The following KCNH8 variants were observed in gnomAD, a reference collection of about 807,000 sequenced individuals.
KCNH8 encodes the protein potassium voltage-gated channel subfamily H member 8.
Under a neutral mutation model 103.6 loss-of-function variants are expected in KCNH8, and 70 were observed. The ratio of observed to expected loss-of-function variants is 0.68; its 90% CI spans 0.56 to 0.82. The LOEUF (loss-of-function observed/expected upper bound fraction) is 0.82. Ranked by LOEUF, KCNH8 falls within the 40% of genes least tolerant of loss-of-function variation. KCNH8 has a pLI of 0.00. For synonymous variants in KCNH8, 498 were observed against 489.4 expected, an observed-to-expected ratio of 1.02 and a Z score of -0.23; for missense variants, 1,217 against 1,329.9, an observed-to-expected ratio of 0.92 and a Z score of 1.32.
intron 7 of KCNH8, among the ~76,000 whole-genome samples, chr3:19,406,935 T>C (rs1405795495): frequency 2.0e-5 from 3 of 152,124 alleles, no homozygotes; most frequent in Non-Finnish European, 2.9e-5. Flanking sequence ...CTTCTCTTAT[T>C]TGTATGAGAA....
At chr3:19,379,827 T>C (rs1208443464) in intron 5 of KCNH8, among the ~76,000 whole-genome samples, 2 of 152,156 alleles carry the variant, frequency 1.3e-5, no homozygotes, top group African/African-American at 4.8e-5. Flanking sequence ...TGTTCAGTCC[T>C]GAGTAACCTA....
At chr3:19,173,504 T>G (rs1005028827) in intron 1 of KCNH8, among the ~76,000 whole-genome samples, 4 of 152,222 alleles carry the variant, frequency 2.6e-5, no homozygotes, top group Admixed American at 6.5e-5. Flanking sequence ...AATTAAAATT[T>G]TGAGGTATAT....
chr3:19,274,558 T>C (rs1265115727), intron 2 of KCNH8, among the ~76,000 whole-genome samples: 1 of 152,130 alleles, frequency 6.6e-6, no homozygotes, highest in African/African-American at 2.4e-5. Context: ...CAAGTATTAG[T>C]TCTACTGGTC....
chr3:19,186,097 A>G (rs1392243556), intron 1 of KCNH8, among the ~76,000 whole-genome samples: 1 of 151,942 alleles, frequency 6.6e-6, no homozygotes, highest in Non-Finnish European at 1.5e-5. Flanking sequence ...AAAAACAGCA[A>G]TAAGAAACAA....
chr3:19,173,414 C>G (rs1224036319), intron 1 of KCNH8, among the ~76,000 whole-genome samples: 2 of 152,090 alleles, frequency 1.3e-5, no homozygotes, highest in Non-Finnish European at 2.9e-5. Flanking sequence ...ATGTGCCATA[C>G]AATGTGCAAG....
intron 1 of KCNH8, among the ~76,000 whole-genome samples, chr3:19,203,580 T>G (rs916785504): frequency 2.6e-5 from 4 of 152,040 alleles, no homozygotes; most frequent in Non-Finnish European, 4.4e-5. Context: ...AATGCATCTT[T>G]GAGGAAGTTT....
intron 1 of KCNH8, among the ~76,000 whole-genome samples, chr3:19,195,754 T>G (rs77745480): frequency 0.044 from 6,646 of 152,042 alleles, 516 homozygotes; most frequent in African/African-American, 0.15. Flanking sequence ...CTAGAGCAAG[T>G]GACTCAAGAA....
chr3:19,526,033 T>A (rs2069058365), intron 15 of KCNH8, among the ~76,000 whole-genome samples: 1 of 151,926 alleles, frequency 6.6e-6, no homozygotes, highest in African/African-American at 2.4e-5. Flanking sequence ...TGAACATGTC[T>A]GAATCTTATG....
At chr3:19,384,500 C>CT (rs2066330170) in intron 5 of KCNH8, among the ~76,000 whole-genome samples, 1 of 152,084 alleles carries the variant, frequency 6.6e-6, no homozygotes, top group Non-Finnish European at 1.5e-5. Context: ...ACATTTGGGA[C>CT]TTTAAGTTGG....
intron 11 of KCNH8, among the ~76,000 whole-genome samples, chr3:19,500,573 C>A (rs1209128113): frequency 6.6e-6 from 1 of 152,150 alleles, no homozygotes; most frequent in Non-Finnish European, 1.5e-5. Context: ...GAAATTATAA[C>A]AAACTATCTC....
intron 11 of KCNH8, among the ~76,000 whole-genome samples, chr3:19,464,935 T>A (rs1463788534): frequency 3.9e-5 from 6 of 152,174 alleles, no homozygotes; most frequent in Admixed American, 3.3e-4. Context: ...AGTATCAAGA[T>A]AAGTAATTGA....
chr3:19,515,042 A>T (rs547033085), intron 13 of KCNH8, among the ~76,000 whole-genome samples: 3 of 151,786 alleles, frequency 2.0e-5, no homozygotes, highest in Non-Finnish European at 4.4e-5. Context: ...TATTATTTTA[A>T]ATTTGAACAA....
chr3:19,235,979 A>G (rs1005770135), intron 1 of KCNH8, among the ~76,000 whole-genome samples: 2 of 152,234 alleles, frequency 1.3e-5, no homozygotes, highest in African/African-American at 2.4e-5. Flanking sequence ...TAATTTTTAC[A>G]TAATGTCATC....
chr3:19,218,144 C>T (rs1393610635), intron 1 of KCNH8, among the ~76,000 whole-genome samples: 1 of 152,100 alleles, frequency 6.6e-6, no homozygotes, highest in African/African-American at 2.4e-5. Context: ...TGTACTGAGA[C>T]CAGGATTTTT....
intron 11 of KCNH8, among the ~76,000 whole-genome samples, chr3:19,495,570 G>C (rs1180348364): frequency 1.3e-5 from 2 of 152,034 alleles, no homozygotes; most frequent in African/African-American, 4.8e-5. Context: ...CTATATGTCT[G>C]GTTTTGTACA....
chr3:19,438,264 C>T lies in KCNH8; in HGVS notation c.1278C>T (p.Tyr426=), dbSNP rs1344269707. ...SIRSAYIAAL[Y]FTLSSLTSVG... ...GAAGTGCCTATATTGCCGCTCTGTA[C>T]TTCACGCTGAGCAGCCTCACCAGCG... The change falls in exon 8 of 16, where the codon TAC becomes TAT. Residue 426 remains tyrosine (Y), a synonymous_variant. Coordinates refer to ENST00000328405, the MANE Select transcript of KCNH8 (RefSeq NM_144633.3). 5.0e-6 allele frequency: 8 copies of T among 1,614,042 alleles called. No individual in the cohort carries two copies. Among genetic ancestry groups the T allele is most frequent in the Non-Finnish European group, 6.8e-6 (8 of 1,179,930 alleles).
At chr3:19,329,453 G>C (rs2065473765) in intron 3 of KCNH8, among the ~76,000 whole-genome samples, 1 of 152,130 alleles carries the variant, frequency 6.6e-6, no homozygotes, top group Admixed American at 6.6e-5. Context: ...AATAGGTAAA[G>C]CTATAATTAT....
At position 19,535,556 on chromosome 3, in the gene KCNH8, T is replaced by C. The variant is rs1281904178; in HGVS notation, c.*1457T>C. ...AATTGTCTTGGACATTTTGGGAAGA[T>C]ATATTGGGTTCACATTCTGGAGTTC... is the stretch of plus-strand genomic sequence containing the variant. On this transcript the variant is annotated 3_prime_UTR_variant, in exon 16 of 16. Transcript: ENST00000328405. 1 of 152,200 alleles carries C rather than the reference T, an allele frequency of 6.6e-6. No homozygotes were observed. The highest frequency in any genetic ancestry group is 6.5e-5 in the Admixed American group (1 of 15,276). The allele number at this position is 152,200 out of a possible 1,614,324, so 9.4% of individuals were successfully genotyped here. A position where few individuals can be genotyped will look rare whatever the true frequency, so the allele number is the denominator to read the frequency against.
chr3:19,227,577 A>C (rs1164094309), intron 1 of KCNH8, among the ~76,000 whole-genome samples: 1 of 152,230 alleles, frequency 6.6e-6, no homozygotes, highest in Non-Finnish European at 1.5e-5. Flanking sequence ...CATAGGTTAC[A>C]AATGATACAA....
Sources: gnomAD v4.1 joint callset for allele counts (sites outside exome capture counted in the v4.1 genomes callset) on GRCh38, gnomAD v4.1.1 for gene constraint, MANE v1.5 for transcripts, NCBI Gene and HGNC (gene_info 2026-07-23, HGNC 2026-07-21) for gene names.